KCNC4: variants seen among roughly 807,000 people sequenced by gnomAD.
KCNC4 encodes the protein potassium voltage-gated channel subfamily C member 4.
Under a neutral mutation model 42.8 loss-of-function variants are expected in KCNC4, and 23 were observed. The ratio of observed to expected loss-of-function variants is 0.54; its 90% CI spans 0.39 to 0.76. The LOEUF is 0.76. Ranked by LOEUF, KCNC4 falls within the 30% of genes least tolerant of loss-of-function variation. The pLI, the probability that KCNC4 is intolerant of heterozygous loss-of-function variation, is 0.00. For missense variants in KCNC4, 751 were observed against 898.2 expected, an observed-to-expected ratio of 0.84 and a Z score of 2.10; for synonymous variants, 422 against 393.5, an observed-to-expected ratio of 1.07 and a Z score of -0.86.
intron 1 of KCNC4, among the ~76,000 whole-genome samples, chr1:110,213,237 C>G (rs866574046): frequency 5.6e-5 from 7 of 125,768 alleles, no homozygotes; most frequent in Non-Finnish European, 8.3e-5. Flanking sequence ...AGAAAGAAAA[C>G]TCTGGGGGCT....
At chr1:110,281,602 C>T (rs375261598) in intron 1 of KCNC4, among the ~76,000 whole-genome samples, 29 of 144,448 alleles carry the variant, frequency 2.0e-4, no homozygotes, top group African/African-American at 7.5e-4. Context: ...ACTGCACTTA[C>T]AGCTCAGGAG....
chr1:110,218,239 C>G (rs1307079306), intron 1 of KCNC4, among the ~76,000 whole-genome samples: 3 of 152,130 alleles, frequency 2.0e-5, no homozygotes, highest in African/African-American at 7.2e-5. Context: ...CTGAGTTTTA[C>G]AAGTATCATT....
chr1:110,261,769 T>C (rs533780759), intron 1 of KCNC4, among the ~76,000 whole-genome samples: 10 of 152,360 alleles, frequency 6.6e-5, no homozygotes, highest in African/African-American at 1.9e-4. Context: ...ACAGAATTCT[T>C]ATAACACTTT....
At chr1:110,212,221 G>A (rs1428237126) in intron 1 of KCNC4, 44 bp downstream of exon 1, 1 of 1,410,228 alleles carries the variant, frequency 7.1e-7, no homozygotes, top group Non-Finnish European at 9.1e-7. Context: ...GGTCTGCAAG[G>A]GGTCCGTGGT....
intron 3 of KCNC4, chr1:110,226,463 C>T: frequency 2.1e-6 from 1 of 478,586 alleles, no homozygotes; most frequent in Non-Finnish European, 3.9e-6. Flanking sequence ...CCCCGTGCTT[C>T]CATTGCATCT....
chr1:110,231,470 T>C (rs1426222752), intron 3 of KCNC4, among the ~76,000 whole-genome samples: 1 of 152,172 alleles, frequency 6.6e-6, no homozygotes, highest in Admixed American at 6.5e-5. Flanking sequence ...TATGGGCTGC[T>C]CTGCTCCCTG....
At chr1:110,213,170 TAAAAAAAA>T (rs760587471) in intron 1 of KCNC4, among the ~76,000 whole-genome samples, 6 of 50,846 alleles carry the variant, frequency 1.2e-4, no homozygotes, top group African/African-American at 3.5e-4. Flanking sequence ...CTTCGACAGC[TAAAAAAAA>T]AAAAAAAAAA....
At chr1:110,219,821 T>C (rs573866564) in intron 1 of KCNC4, 26 of 152,400 alleles carry the variant, frequency 1.7e-4, no homozygotes, top group African/African-American at 6.0e-4. Flanking sequence ...CAACCACTTA[T>C]GAAATAATTC....
At position 110,217,129 on chromosome 1, in the gene KCNC4, G is replaced by A. The variant is rs549473374; in HGVS notation, c.678+4952G>A. ...CCTGACAAAAGCCAAGTCGGGTAGA[G>A]TAAGTGGCAGTCAAGGGAAATTAGG... On this transcript the variant is annotated intron_variant, in intron 1 of 3. Coordinates refer to ENST00000438661, the MANE Select transcript of KCNC4 (RefSeq NM_001039574.3). 1.1e-4 allele frequency among the ~76,000 whole-genome samples: 16 copies of A among 152,322 alleles called. No individual in the cohort carries two copies. The South Asian group carries it at 3.1e-3, about 30-fold the overall frequency.
chr1:110,216,197 C>T (rs911406344), intron 1 of KCNC4, among the ~76,000 whole-genome samples: 10 of 152,198 alleles, frequency 6.6e-5, no homozygotes, highest in African/African-American at 2.2e-4. Context: ...CCGGGCATTG[C>T]CTGGGGGACA....
At chr1:110,284,052 G>A (rs1020197261), downstream of KCNC4, among the ~76,000 whole-genome samples, 3 of 152,198 alleles carry the variant, frequency 2.0e-5, no homozygotes, top group Non-Finnish European at 2.9e-5. Context: ...CAAAGATCAA[G>A]GGAAATAGTC....
rs1376717681 is a variant in KCNC4 at position 110,211,256 on chromosome 1, C to T, written c.-244C>T. 3.6e-6 allele frequency: 2 copies of T among 559,180 alleles called. No homozygotes were observed. Among genetic ancestry groups the T allele is most frequent in the African/African-American group, 1.9e-5 (1 of 52,704 alleles). The allele number at this position is 559,180 out of a possible 1,614,324, so 34.6% of individuals were successfully genotyped here. A position where few individuals can be genotyped will look rare whatever the true frequency, so the allele number is the denominator to read the frequency against. Reference sequence around the variant, plus strand: ...TTCTACTTCCCCGGGTCCTCCCTCTCTGCGCCTCCCTCTCTCCGGAGCTTC... The same window carrying T: ...TTCTACTTCCCCGGGTCCTCCCTCTTTGCGCCTCCCTCTCTCCGGAGCTTC... On this transcript the variant is annotated 5_prime_UTR_variant, in exon 1 of 4. Coordinates refer to ENST00000438661, the MANE Select transcript of KCNC4 (RefSeq NM_001039574.3). The surrounding 1 kb of genome is among the most constrained non-coding windows in gnomAD (Gnocchi z 6.5).
chr1:110,284,034 C>T (rs1316466411), downstream of KCNC4, among the ~76,000 whole-genome samples: 1 of 152,142 alleles, frequency 6.6e-6, no homozygotes, highest in African/African-American at 2.4e-5. Context: ...GATGATTTCA[C>T]AGGGATACAA....
At chr1:110,280,693 AT>A (rs1178302863) in intron 1 of KCNC4, among the ~76,000 whole-genome samples, 10 of 151,920 alleles carry the variant, frequency 6.6e-5, no homozygotes, top group African/African-American at 1.5e-4. Flanking sequence ...ATAACAACAA[AT>A]TTTTTTTCAG....
rs1400767305 is a variant in KCNC4 at position 110,212,071 on chromosome 1, C to T, written c.572C>T (p.Pro191Leu). Residue 191 changes from proline to leucine, a missense_variant, in exon 1 of 4, where the codon CCC (proline) becomes CTC (leucine). Around this residue, in one of 4 missense-constraint regions of KCNC4, gnomAD observed 181 missense variants for 167.3 expected, o/e 1.08. Transcript: ENST00000438661. ...ERELALQRLG[P>L]HEGGAGHGAG... ...GAGCTGGCCCTGCAGCGACTGGGCC[C>T]CCACGAGGGAGGCGCGGGCCATGGC... The T allele has an allele frequency of 2.6e-6, 4 of 1,545,126 alleles. No homozygotes were observed. The highest frequency in any genetic ancestry group is 2.4e-5 in the South Asian group (2 of 83,730).
Position 110,232,236 on chromosome 1 carries a change from G to A in KCNC4, c.1820-675G>A, listed in dbSNP as rs749707254. 8 of 1,613,828 alleles carry A rather than the reference G, an allele frequency of 5.0e-6. No individual in the cohort carries two copies. The highest frequency in any genetic ancestry group is 2.2e-5 in the East Asian group (1 of 44,884). ...CCTGAGACAGGCACATTCGTCCTCC[G>A]TGACCTTCCCCTTCAGCATTCACCT... On this transcript the variant is annotated intron_variant, in intron 3 of 3. Transcript: ENST00000438661.
intron 1 of KCNC4, 138 bp from the exon 2 acceptor site, chr1:110,222,826 C>A: frequency 1.6e-6 from 1 of 635,990 alleles, no homozygotes; most frequent in Non-Finnish European, 2.8e-6. Context: ...GGACTTCCAG[C>A]CCTGACTCCA....
At chr1:110,212,302 C>T (rs1657520607) in intron 1 of KCNC4, 125 bp downstream of exon 1, 1 of 1,058,506 alleles carries the variant, frequency 9.4e-7, no homozygotes, top group South Asian at 2.7e-5. Flanking sequence ...ATTGTTCCCG[C>T]CTTCCTCTCA....
At chr1:110,215,263 C>T (rs1657725532) in intron 1 of KCNC4, among the ~76,000 whole-genome samples, 2 of 152,238 alleles carry the variant, frequency 1.3e-5, no homozygotes, top group Non-Finnish European at 2.9e-5. Context: ...CTCACCCCTG[C>T]TCCACTGTGC....
Sources: gnomAD v4.1 joint callset for allele counts (sites outside exome capture counted in the v4.1 genomes callset) on GRCh38, gnomAD v4.1.1 for gene constraint, gnomAD v4.1.1 regional missense constraint, Gnocchi (gnomAD v3.1) non-coding constraint, MANE v1.5 for transcripts, NCBI Gene and HGNC (gene_info 2026-07-23, HGNC 2026-07-21) for gene names.